PBX4: variants seen among roughly 807,000 people sequenced by gnomAD.
PBX4 encodes pre-B-cell leukemia transcription factor 4.
In PBX4, 26 loss-of-function variants were observed where a neutral mutation model predicts 35.1. The observed-to-expected ratio is 0.74, with a 90% confidence interval of 0.54 to 1.03. The LOEUF (loss-of-function observed/expected upper bound fraction) is 1.03, where lower values mean the gene tolerates loss of function less well. PBX4 is among the 50% of genes least tolerant of loss of function. PBX4 has a pLI of 0.00. For synonymous variants in PBX4, 199 were observed against 204.2 expected (o/e 0.97, Z 0.22); for missense variants, 448 against 504.3 (o/e 0.89, Z 1.07).
At chr19:19,590,399 T>C (rs1275762208) in intron 2 of PBX4, among the ~76,000 whole-genome samples, 3 of 152,160 alleles carry the variant, frequency 2.0e-5, no homozygotes, top group African/African-American at 7.2e-5. Flanking sequence ...CCTGTGCCAA[T>C]ACTTCATTCC....
Position 19,570,784 on chromosome 19 carries a change from G to A in PBX4, c.243C>T (p.Leu81=), listed in dbSNP as rs1219051558. The change falls in exon 3 of 8, where the codon CTC becomes CTT. Residue 81 remains leucine, a synonymous_variant. Transcript: ENST00000251203. ...CCAGCAGCATGTTATCCAGCCTCAG[G>A]AGCTGGGCGTCAGGGGGATCTTCGT... ...IQDEDPPDAQ[L]LRLDNMLLAE... is the part of the protein sequence containing the mutation. 2 of 1,614,108 alleles carry A rather than the reference G, an allele frequency of 1.2e-6. No individual in the cohort carries two copies.
chr19:19,579,406 G>A (rs1385734720), intron 2 of PBX4, among the ~76,000 whole-genome samples: 1 of 152,038 alleles, frequency 6.6e-6, no homozygotes, highest in African/African-American at 2.4e-5. Flanking sequence ...GACTAAGACA[G>A]TAACATAACC....
At chr19:19,565,857 G>A (rs2872970) in intron 5 of PBX4, among the ~76,000 whole-genome samples, 66,657 of 151,876 alleles carry the variant, frequency 0.44, 14,945 homozygotes, top group African/African-American at 0.51. Flanking sequence ...GGCAGAGGTT[G>A]CAGTGAGCCA....
intron 2 of PBX4, among the ~76,000 whole-genome samples, chr19:19,592,430 G>T (rs2061534800): frequency 6.6e-6 from 1 of 152,180 alleles, no homozygotes; most frequent in Non-Finnish European, 1.5e-5. Flanking sequence ...GACCACCGCA[G>T]GGCAGGAACA....
intron 1 of PBX4, among the ~76,000 whole-genome samples, chr19:19,615,423 A>G (rs1366326332): frequency 6.6e-6 from 1 of 152,180 alleles, no homozygotes; most frequent in Non-Finnish European, 1.5e-5. Context: ...GAAACTACAA[A>G]AAGTGTCAAC....
intron 1 of PBX4, among the ~76,000 whole-genome samples, chr19:19,610,180 G>A (rs532548977): frequency 6.6e-6 from 1 of 152,216 alleles, no homozygotes; most frequent in African/African-American, 2.4e-5. Flanking sequence ...TTGGGAGGCT[G>A]AGACGGGCGG....
chr19:19,608,853 G>A (rs2061646239), intron 1 of PBX4, among the ~76,000 whole-genome samples: 1 of 152,140 alleles, frequency 6.6e-6, no homozygotes, highest in South Asian at 2.1e-4. Context: ...TTGCTGAAGG[G>A]CTAACTCCTC....
chr19:19,596,781 A>T (rs948998951), intron 2 of PBX4, among the ~76,000 whole-genome samples: 13 of 151,768 alleles, frequency 8.6e-5, no homozygotes, highest in Admixed American at 1.3e-4. Flanking sequence ...TAGCTGGGCA[A>T]CGTGGCTCGT....
chr19:19,569,460 T>TG lies in PBX4; in HGVS notation c.756dup (p.Thr253HisfsTer7). Reference sequence around the variant, plus strand: ...GGAGAGAACGTCACCTGGGAGATGGTGAGGCCGCCCTTCCTGGCCAGCTCT... The same window carrying TG: ...GGAGAGAACGTCACCTGGGAGATGGTGGAGGCCGCCCTTCCTGGCCAGCTCT... On this transcript the variant is annotated frameshift_variant, in exon 5 of 8. Transcript: ENST00000251203. LOFTEE classifies it high-confidence loss of function. 6.2e-7 allele frequency: 1 copy of TG among 1,611,462 alleles called. No individual in the cohort carries two copies. The highest frequency in any genetic ancestry group is 8.5e-7 in the Non-Finnish European group (1 of 1,178,886).
rs1226108916 is a variant in PBX4 at position 19,614,333 on chromosome 19, A to AAAAC, written c.119+4174_119+4177dup. On this transcript the variant is annotated intron_variant, in intron 1 of 7. Transcript: ENST00000251203. Reference sequence around the variant, plus strand: ...GGTGACAGAATAAGACCCTGTCTCAAAAACAAACAAACAAACATGGCCCGG... The same window carrying AAAAC: ...GGTGACAGAATAAGACCCTGTCTCAAAAACAAACAAACAAACAAACATGGCCCGG... 6.6e-5 allele frequency among the ~76,000 whole-genome samples: 10 copies of AAAAC among 151,738 alleles called. No homozygotes were observed. The East Asian group carries it at 1.2e-3, about 18-fold the overall frequency.
At chr19:19,604,512 G>A (rs1160784657) in intron 1 of PBX4, among the ~76,000 whole-genome samples, 1 of 145,210 alleles carries the variant, frequency 6.9e-6, no homozygotes, top group African/African-American at 2.6e-5. Flanking sequence ...TAAGATCTTT[G>A]TCTCTGAACT....
At chr19:19,610,615 G>T (rs972472080) in intron 1 of PBX4, among the ~76,000 whole-genome samples, 1 of 152,014 alleles carries the variant, frequency 6.6e-6, no homozygotes, top group East Asian at 1.9e-4. Context: ...GCCGGGTGTG[G>T]TGGCTGGCGC....
chr19:19,593,220 A>G (rs1293370922), intron 2 of PBX4, among the ~76,000 whole-genome samples: 1 of 152,182 alleles, frequency 6.6e-6, no homozygotes, highest in Non-Finnish European at 1.5e-5. Context: ...CTGCCCCACC[A>G]GGCTTTAAAT....
At chr19:19,590,761 G>T (rs1032613491) in intron 2 of PBX4, among the ~76,000 whole-genome samples, 3 of 152,078 alleles carry the variant, frequency 2.0e-5, no homozygotes, top group African/African-American at 7.2e-5. Flanking sequence ...GAGCCATGGC[G>T]CCTGGACACA....
At chr19:19,606,544 A>T (rs1440146781) in intron 1 of PBX4, 2 of 152,226 alleles carry the variant, frequency 1.3e-5, no homozygotes, top group East Asian at 3.8e-4. Context: ...TGAGATAATA[A>T]ATATCTGCTG....
In PBX4 at chr19:19,563,526, C is replaced by A. The variant is rs1233321590; in HGVS notation, c.1015G>T (p.Gly339Cys). 2 of 1,550,248 alleles carry A rather than the reference C, an allele frequency of 1.3e-6. No homozygotes were observed. The highest frequency in any genetic ancestry group is 2.4e-5 in the South Asian group (2 of 83,978). The change falls in exon 7 of 8, where the codon GGC (glycine) becomes TGC (cysteine). Residue 339 changes from glycine to cysteine, a missense_variant. Transcript: ENST00000251203. This position sits in a 1 kb window ranked among gnomAD's most constrained non-coding sequence, Gnocchi z 5.1. ...LASLQPPPGG[G>C]CLQSQAQGSW... is the part of the protein sequence containing the mutation. ...AGACTCACCTGGGACTGCAGGCAGC[C>A]TCCCCCAGGAGGAGGCTGGAGAGAG...
At chr19:19,564,727 G>A (rs1020693565) in intron 6 of PBX4, 7 of 628,308 alleles carry the variant, frequency 1.1e-5, no homozygotes, top group Admixed American at 9.0e-5. Flanking sequence ...TATTAGTATC[G>A]CCATTCTGTC....
rs977739981 is a variant in PBX4, at chr19:19,583,809, C to T, written c.194-12976G>A. Among the ~76,000 whole-genome samples, 14 of 152,124 alleles carry T rather than the reference C, an allele frequency of 9.2e-5. No individual in the cohort carries two copies. In the South Asian group the frequency reaches 2.9e-3, roughly 32 times the overall value. ...CTACTAAAAATAGAAAAAGCTCACG[C>T]CTGTAAACCCAGCACTTTGGGAGGT... On this transcript the variant is annotated intron_variant, in intron 2 of 7. Coordinates refer to ENST00000251203, the MANE Select transcript of PBX4 (RefSeq NM_025245.3).
At chr19:19,570,545 C>A (rs367948342) in intron 3 of PBX4, 41 bp downstream of exon 3, 1 of 1,603,530 alleles carries the variant, frequency 6.2e-7, no homozygotes, top group South Asian at 1.1e-5. Context: ...TTGACAAATG[C>A]GCATTCACAT....
Sources: gnomAD v4.1 joint callset for allele counts (sites outside exome capture counted in the v4.1 genomes callset) on GRCh38, gnomAD v4.1.1 for gene constraint, Gnocchi (gnomAD v3.1) non-coding constraint, MANE v1.5 for transcripts, NCBI Gene and HGNC (gene_info 2026-07-23, HGNC 2026-07-21) for gene names.